Variants in LCOR observed in about 807,000 individuals in gnomAD.
LCOR encodes ligand-dependent corepressor.
LCOR carries 14 observed loss-of-function variants against 64.4 expected under a neutral mutation model. That is an observed-to-expected ratio of 0.22 (90% CI 0.14 to 0.34). The LOEUF (loss-of-function observed/expected upper bound fraction) is 0.34, where lower values mean the gene tolerates loss of function less well. Among genes scored for constraint, LCOR ranks in the 10% least tolerant of loss-of-function variants. The probability of loss-of-function intolerance (pLI) is 1.00; values close to 1 mark genes in which losing one functional copy is unlikely to be tolerated. For synonymous variants in LCOR, 643 were observed against 642.5 expected, an observed-to-expected ratio of 1.00 and a Z score of -0.01; for missense variants, 1,686 against 1,765.3, an observed-to-expected ratio of 0.96 and a Z score of 0.80.
chr10:96,859,699 A>T (rs1384292385), intron 2 of LCOR, among the ~76,000 whole-genome samples: 2 of 152,096 alleles, frequency 1.3e-5, no homozygotes, highest in Non-Finnish European at 1.5e-5. Context: ...CTGGCACCAC[A>T]GGCGTGTGCT....
At chr10:96,934,794 G>C (rs919954476) in intron 4 of LCOR, among the ~76,000 whole-genome samples, 1 of 151,972 alleles carries the variant, frequency 6.6e-6, no homozygotes, top group African/African-American at 2.4e-5. Context: ...TAGAGACAGG[G>C]TTTTGCCATG....
chr10:96,915,725 G>A (rs1428321097), intron 4 of LCOR: 4 of 689,516 alleles, frequency 5.8e-6, no homozygotes, highest in Non-Finnish European at 1.1e-5. Context: ...GCCAGCATCA[G>A]CTTTTTCCTT....
chr10:96,846,018 C>T (rs1447293290), intron 2 of LCOR, among the ~76,000 whole-genome samples: 3 of 151,896 alleles, frequency 2.0e-5, no homozygotes, highest in Admixed American at 2.0e-4. Flanking sequence ...ACCAGCCTGG[C>T]CAACATGGTA....
intron 2 of LCOR, among the ~76,000 whole-genome samples, chr10:96,902,810 T>C (rs1012885970): frequency 2.6e-5 from 4 of 152,218 alleles, no homozygotes; most frequent in Non-Finnish European, 4.4e-5. Flanking sequence ...ACTGATACTT[T>C]GTAAAATATA....
At chr10:96,878,296 A>C (rs1477855878) in intron 2 of LCOR, among the ~76,000 whole-genome samples, 6 of 152,216 alleles carry the variant, frequency 3.9e-5, no homozygotes, top group Non-Finnish European at 7.3e-5. Context: ...TGCTGGGAGC[A>C]GAATTGACAC....
chr10:96,862,187 C>A (rs1344265489), intron 2 of LCOR, among the ~76,000 whole-genome samples: 1 of 152,198 alleles, frequency 6.6e-6, no homozygotes, highest in African/African-American at 2.4e-5. Context: ...CTCCAGGAGC[C>A]TCCACATGTT....
intron 4 of LCOR, among the ~76,000 whole-genome samples, chr10:96,912,226 C>T (rs1473504016): frequency 2.6e-5 from 4 of 152,124 alleles, no homozygotes; most frequent in Non-Finnish European, 2.9e-5. Flanking sequence ...CCACTGCACC[C>T]GGCCTTCTTT....
chr10:96,868,047 G>A (rs1846004536), intron 2 of LCOR, among the ~76,000 whole-genome samples: 1 of 151,672 alleles, frequency 6.6e-6, no homozygotes, highest in African/African-American at 2.4e-5. Context: ...ACCGTGCCTG[G>A]CTAATTTTGT....
intron 2 of LCOR, among the ~76,000 whole-genome samples, chr10:96,835,334 C>A (rs1001544791): frequency 2.0e-5 from 3 of 152,150 alleles, no homozygotes; most frequent in Non-Finnish European, 2.9e-5. Flanking sequence ...ATACTTTTAA[C>A]TCCAAATTTC....
At chr10:96,893,175 A>G (rs1589636977) in intron 2 of LCOR, among the ~76,000 whole-genome samples, 3 of 152,182 alleles carry the variant, frequency 2.0e-5, no homozygotes, top group Admixed American at 1.3e-4. Context: ...TTTCAATAGT[A>G]TATAAAATAC....
rs1564647278 is a variant in LCOR, at chr10:96,986,796, T to G, written c.*1662T>G. On this transcript the variant is annotated 3_prime_UTR_variant, in exon 8 of 8. Coordinates refer to ENST00000421806, the MANE Select transcript of LCOR (RefSeq NM_001346516.2). ...GCTTGTATGGACAGCTGCTGCCCTG[T>G]CCTTTTTATTTGAAAATTTTCCATT... 6.6e-6 allele frequency: 1 copy of G among 152,246 alleles called. No homozygotes were observed. The allele number at this position is 152,246 out of a possible 1,614,324, so 9.4% of individuals were successfully genotyped here.
chr10:96,980,945 A>C lies in LCOR; in HGVS notation c.485A>C (p.Asp162Ala). 1.4e-6 allele frequency: 1 copy of C among 703,042 alleles called. No homozygotes were observed. Among genetic ancestry groups the C allele is most frequent in the Non-Finnish European group, 2.6e-6 (1 of 385,002 alleles). The allele number at this position is 703,042 out of a possible 1,614,324, so 43.6% of individuals were successfully genotyped here. ...ACTGAATCTCAACCAGGCACTGAGGACCTGCAGCCTTCTGATTCGGGAGCA... is the reference window on the plus strand; with the variant it reads ...ACTGAATCTCAACCAGGCACTGAGGCCCTGCAGCCTTCTGATTCGGGAGCA... Reference protein sequence around the residue: ...LYTESQPGTEDLQPSDSGAMD... With the variant: ...LYTESQPGTEALQPSDSGAMD... Residue 162 changes from aspartate (D) to alanine (A), a missense_variant, in exon 8 of 8, where the codon GAC becomes GCC. Physicochemically the swap from Asp to Ala is moderately radical, Grantham distance 126. This residue lies in a region of LCOR where 313 missense variants were observed against 247.2 expected (regional missense o/e 1.27). Coordinates refer to ENST00000421806, the MANE Select transcript of LCOR (RefSeq NM_001346516.2).
intron 6 of LCOR, among the ~76,000 whole-genome samples, chr10:96,950,237 T>C (rs1847654048): frequency 6.6e-6 from 1 of 152,182 alleles, no homozygotes; most frequent in South Asian, 2.1e-4. Flanking sequence ...AATTTAATTC[T>C]TAACCTCTTT....
Position 96,984,689 on chromosome 10 carries a change from G to GTT in LCOR, c.4230_4231insTT (p.Lys1411LeufsTer8). 1 of 1,614,132 alleles carries GTT rather than the reference G, an allele frequency of 6.2e-7. No homozygotes were observed. Among genetic ancestry groups the GTT allele is most frequent in the Non-Finnish European group, 8.5e-7 (1 of 1,180,048 alleles). On this transcript the variant is annotated frameshift_variant, in exon 8 of 8. Coordinates refer to ENST00000421806, the MANE Select transcript of LCOR (RefSeq NM_001346516.2). LOFTEE classifies it high-confidence loss of function. ...ACAGAAGGCAGCAGCCCTCCAGATAGTAAGAACAAGGGGCCTACGGTGAAA... is the reference window on the plus strand; with the variant it reads ...ACAGAAGGCAGCAGCCCTCCAGATAGTTTAAGAACAAGGGGCCTACGGTGAAA...
At chr10:96,877,863 G>A (rs901069491) in intron 2 of LCOR, among the ~76,000 whole-genome samples, 1 of 151,896 alleles carries the variant, frequency 6.6e-6, no homozygotes, top group Non-Finnish European at 1.5e-5. Context: ...CGCCTGCCTC[G>A]GCCTCCCAAA....
intron 4 of LCOR, among the ~76,000 whole-genome samples, chr10:96,939,343 A>C (rs114126263): frequency 3.3e-4 from 50 of 152,338 alleles, no homozygotes; most frequent in African/African-American, 1.1e-3. Context: ...CGCCATACAC[A>C]AAATTAACTT....
At chr10:96,836,876 G>A (rs1026882016) in intron 2 of LCOR, among the ~76,000 whole-genome samples, 1 of 152,234 alleles carries the variant, frequency 6.6e-6, no homozygotes, top group Non-Finnish European at 1.5e-5. Flanking sequence ...TTAGAAAGTG[G>A]AGACTTTTTG....
intron 2 of LCOR, among the ~76,000 whole-genome samples, chr10:96,836,267 A>G (rs1845439552): frequency 6.6e-6 from 1 of 152,090 alleles, no homozygotes; most frequent in South Asian, 2.1e-4. Flanking sequence ...AGAATTGGTT[A>G]TTTGATGCCA....
intron 7 of LCOR, chr10:96,955,259 T>C (rs542650207): frequency 3.1e-6 from 5 of 1,614,016 alleles, no homozygotes; most frequent in Non-Finnish European, 4.2e-6. Flanking sequence ...GGGGAAATGG[T>C]GCACTCAGCA....
Sources: allele counts gnomAD v4.1 joint callset (sites outside exome capture counted in the v4.1 genomes callset), GRCh38; gene constraint gnomAD v4.1.1; regional missense constraint gnomAD v4.1.1; transcripts MANE v1.5; gene names NCBI Gene and HGNC (gene_info 2026-07-23, HGNC 2026-07-21).